The following EDARADD variants were observed in gnomAD, a reference collection of about 807,000 sequenced individuals.
EDARADD encodes ectodysplasin-A receptor-associated adapter protein.
Under a neutral mutation model 25.6 loss-of-function variants are expected in EDARADD, and 20 were observed. The observed-to-expected ratio is 0.78, with a 90% CI of 0.55 to 1.14. The LOEUF (loss-of-function observed/expected upper bound fraction) is 1.14, where lower values mean the gene tolerates loss of function less well. Ranked by LOEUF, EDARADD falls within the 50% of genes most tolerant of loss-of-function variation. EDARADD has a pLI of 0.00. For synonymous variants in EDARADD, 86 were observed against 94.4 expected (o/e 0.91, Z 0.52); for missense variants, 225 against 270.1 (o/e 0.83, Z 1.17).
At chr1:236,455,790 C>T (rs1026310966) in intron 4 of EDARADD, among the ~76,000 whole-genome samples, 7 of 141,584 alleles carry the variant, frequency 4.9e-5, no homozygotes, top group Admixed American at 6.8e-5. Context: ...GAATAGAAAT[C>T]GCCTGTTCTT....
Position 236,394,442 on chromosome 1 carries a change from G to C in EDARADD, c.-3G>C. The C allele has an allele frequency of 6.2e-7, 1 of 1,613,932 alleles. No individual in the cohort carries two copies. The highest frequency in any genetic ancestry group is 8.5e-7 in the Non-Finnish European group (1 of 1,179,964). ...GAATTAAGAAGCCAAACTCAACATC[G>C]CCATGGGCCTCAGGACGACTAAACA... On this transcript the variant is annotated 5_prime_UTR_variant, in exon 1 of 6. Coordinates refer to ENST00000334232, the MANE Select transcript of EDARADD (RefSeq NM_145861.4).
At chr1:236,434,529 T>G (rs1320617623) in intron 4 of EDARADD, among the ~76,000 whole-genome samples, 2 of 152,356 alleles carry the variant, frequency 1.3e-5, no homozygotes, top group Non-Finnish European at 2.9e-5. Context: ...CGTGAGCCAC[T>G]GTGCCTGGCC....
At chr1:236,372,033 T>A (rs1208738891) in intron 3 of EDARADD, among the ~76,000 whole-genome samples, 1 of 152,154 alleles carries the variant, frequency 6.6e-6, no homozygotes, top group East Asian at 1.9e-4. Context: ...CTCGGCTCAC[T>A]GCAGCCTCTG....
chr1:236,377,750 C>T (rs559732806), intron 3 of EDARADD, among the ~76,000 whole-genome samples: 7 of 151,614 alleles, frequency 4.6e-5, no homozygotes, highest in South Asian at 2.1e-4. Context: ...CCCAGCTACT[C>T]GGGAGGCTGA....
At chr1:236,351,458 G>A (rs1666914662) in intron 3 of EDARADD, among the ~76,000 whole-genome samples, 1 of 152,094 alleles carries the variant, frequency 6.6e-6, no homozygotes, top group Admixed American at 6.5e-5. Context: ...GGTGGCTCAT[G>A]CCTATAATCC....
chr1:236,365,288 C>A lies in EDARADD; in HGVS notation c.-6+14449C>A, dbSNP rs552675143. Among the ~76,000 whole-genome samples, 5 of 152,090 alleles carry A rather than the reference C, an allele frequency of 3.3e-5. No individual in the cohort carries two copies. In the South Asian group the frequency reaches 1.0e-3, roughly 32 times the overall value. ...AAGTGATCCTCCCACCTCAGCCTCC[C>A]AAGTAGCTGGGACCACAGGCACGTG... On this transcript the variant is annotated intron_variant, in intron 3 of 7. Coordinates refer to the EDARADD transcript ENST00000439430.
rs1327365886 is a variant in EDARADD at position 236,403,397 on chromosome 1, C to T, written c.62-5819C>T. Reference sequence around the variant, plus strand: ...CCGCCTTCCGGGCTCACACCATTCTCCTGCCTCAGCCTCCTGAGTAGCTGG... The same window carrying T: ...CCGCCTTCCGGGCTCACACCATTCTTCTGCCTCAGCCTCCTGAGTAGCTGG... On this transcript the variant is annotated intron_variant, in intron 1 of 5. Transcript: ENST00000334232. Among the ~76,000 whole-genome samples the T allele has an allele frequency of 8.5e-5, 13 of 152,316 alleles. No individual in the cohort carries two copies. The East Asian group carries it at 2.5e-3, about 29-fold the overall frequency.
chr1:236,477,901 G>A (rs1659555747), intron 5 of EDARADD, among the ~76,000 whole-genome samples: 1 of 152,128 alleles, frequency 6.6e-6, no homozygotes, highest in Middle Eastern at 3.2e-3. Context: ...TCAGGAGTTT[G>A]AGACCAGCGT....
chr1:236,458,494 A>C (rs1434068281), intron 4 of EDARADD, among the ~76,000 whole-genome samples: 1 of 152,316 alleles, frequency 6.6e-6, no homozygotes, highest in South Asian at 2.1e-4. Context: ...GATTGTAACC[A>C]GTAACATGTG....
intron 4 of EDARADD, among the ~76,000 whole-genome samples, chr1:236,428,622 C>T (rs34572141): frequency 0.43 from 61,845 of 142,448 alleles, 16,043 homozygotes; most frequent in Non-Finnish European, 0.58. Flanking sequence ...ACATGGGCGG[C>T]CGGGCGGAGA....
At chr1:236,467,449 C>CAT (rs1553270582) in intron 4 of EDARADD, among the ~76,000 whole-genome samples, 29 of 151,454 alleles carry the variant, frequency 1.9e-4, no homozygotes, top group African/African-American at 5.3e-4. Flanking sequence ...CACACACACA[C>CAT]ACACACATAC....
At chr1:236,430,065 G>T (rs961021389) in intron 4 of EDARADD, among the ~76,000 whole-genome samples, 1 of 152,194 alleles carries the variant, frequency 6.6e-6, no homozygotes, top group African/African-American at 2.4e-5. Flanking sequence ...GTAAGAAAGA[G>T]AAGTTACACA....
At chr1:236,394,614 A>G in intron 1 of EDARADD, 109 bp downstream of exon 1, 2 of 952,032 alleles carry the variant, frequency 2.1e-6, no homozygotes, top group South Asian at 2.1e-5. Context: ...TACTATTATT[A>G]TCTTTTTCGA....
In EDARADD at chr1:236,398,784, C is replaced by A. The variant is rs1572128596; in HGVS notation, c.61+4279C>A. 6.6e-6 allele frequency among the ~76,000 whole-genome samples: 1 copy of A among 152,346 alleles called. No individual in the cohort carries two copies. Among genetic ancestry groups the A allele is most frequent in the Non-Finnish European group, 1.5e-5 (1 of 68,036 alleles). On this transcript the variant is annotated intron_variant, in intron 1 of 5. Coordinates refer to ENST00000334232, the MANE Select transcript of EDARADD (RefSeq NM_145861.4). This position sits in a 1 kb window ranked among gnomAD's most constrained non-coding sequence, Gnocchi z 4.1. The stretch of plus-strand genomic sequence containing the variant: ...CCAGCCCGATGTTATACATGCTCAG[C>A]AAACCCTGTACCTTTCCTTTCTGGC...
rs534831555 is a variant in EDARADD at position 236,484,535 on chromosome 1, C to T, written c.*1886C>T. On this transcript the variant is annotated 3_prime_UTR_variant, in exon 6 of 6. Transcript: ENST00000334232. The surrounding 1 kb of genome is among the most constrained non-coding windows in gnomAD (Gnocchi z 4.1). ...TAGACCCCTCCCCTTGTGTCAACTCCGGCAGCTCAAGACCCCCGAGCAACA... is the reference window on the plus strand; with the variant it reads ...TAGACCCCTCCCCTTGTGTCAACTCTGGCAGCTCAAGACCCCCGAGCAACA... The T allele has an allele frequency of 3.0e-5, 40 of 1,352,882 alleles. No homozygotes were observed. Among genetic ancestry groups the T allele is most frequent in the African/African-American group, 1.4e-4 (10 of 70,640 alleles). 83.8% of individuals were successfully genotyped at this position (1,352,882 alleles called of 1,614,324 possible).
At chr1:236,409,096 G>T in intron 1 of EDARADD, 120 bp from the exon 2 acceptor site, 8 of 499,170 alleles carry the variant, frequency 1.6e-5, no homozygotes, top group Admixed American at 3.8e-5. Flanking sequence ...AAGGAGTAAG[G>T]TTTTCTTCAG....
chr1:236,447,041 G>A (rs1223652132), intron 4 of EDARADD, among the ~76,000 whole-genome samples: 1 of 152,176 alleles, frequency 6.6e-6, no homozygotes, highest in Non-Finnish European at 1.5e-5. Context: ...CAGGTCACCA[G>A]TGCTGGCACC....
chr1:236,444,250 A>T (rs1314754611), intron 4 of EDARADD, among the ~76,000 whole-genome samples: 3 of 151,938 alleles, frequency 2.0e-5, no homozygotes, highest in African/African-American at 4.8e-5. Context: ...ACTATGTTTT[A>T]TTATTATTAT....
intron 4 of EDARADD, among the ~76,000 whole-genome samples, chr1:236,452,335 C>G (rs1247187678): frequency 6.6e-6 from 1 of 152,202 alleles, no homozygotes; most frequent in Non-Finnish European, 1.5e-5. Context: ...TGGTGTGGCT[C>G]TGTGTCCCCA....
Sources: allele counts gnomAD v4.1 joint callset (sites outside exome capture counted in the v4.1 genomes callset), GRCh38; gene constraint gnomAD v4.1.1; non-coding constraint Gnocchi (gnomAD v3.1); transcripts MANE v1.5; gene names NCBI Gene and HGNC (gene_info 2026-07-23, HGNC 2026-07-21).